The following TNFAIP8 variants were observed in gnomAD, a reference collection of about 807,000 sequenced individuals.
The protein encoded by TNFAIP8 is TNF alpha induced protein 8, also known as tumor necrosis factor alpha-induced protein 8.
Under a neutral mutation model 13.3 loss-of-function variants are expected in TNFAIP8, and 7 were observed. The ratio of observed to expected loss-of-function variants is 0.52; its 90% CI spans 0.30 to 0.99. The LOEUF is 0.99. Among genes scored for constraint, TNFAIP8 ranks in the 50% least tolerant of loss-of-function variants. TNFAIP8 has a pLI of 0.07. For synonymous variants in TNFAIP8, 94 were observed against 87.6 expected (o/e 1.07, Z -0.41); for missense variants, 258 against 236.9 (o/e 1.09, Z -0.58).
intron 1 of TNFAIP8, among the ~76,000 whole-genome samples, chr5:119,375,549 A>G (rs944520325): frequency 6.6e-6 from 1 of 152,228 alleles, no homozygotes; most frequent in Non-Finnish European, 1.5e-5. Flanking sequence ...GCAAGTTCGT[A>G]TATTTTGGAA....
upstream of TNFAIP8, chr5:119,354,413 A>C (rs1165373886): frequency 6.6e-6 from 1 of 152,216 alleles, no homozygotes; most frequent in African/African-American, 2.4e-5. Flanking sequence ...GGCAGGTTAG[A>C]ATCTCTCAGC....
At chr5:119,319,223 G>C (rs113158523) in intron 1 of TNFAIP8, among the ~76,000 whole-genome samples, 163 of 152,312 alleles carry the variant, frequency 1.1e-3, no homozygotes, top group African/African-American at 3.8e-3. Context: ...GCAGTGAGCT[G>C]TGATGGCACT....
chr5:119,384,798 T>C (rs1752611269), intron 1 of TNFAIP8, among the ~76,000 whole-genome samples: 1 of 152,230 alleles, frequency 6.6e-6, no homozygotes, highest in African/African-American at 2.4e-5. Flanking sequence ...GCAGCAGGGA[T>C]ATTTTGTCAG....
chr5:119,334,277 A>T (rs1053787084), intron 1 of TNFAIP8, among the ~76,000 whole-genome samples: 1 of 152,182 alleles, frequency 6.6e-6, no homozygotes, highest in South Asian at 2.1e-4. Flanking sequence ...TGAAAAAGTT[A>T]TCAAGGATTA....
At chr5:119,355,268 C>T (rs566563583), upstream of TNFAIP8, 6 of 700,348 alleles carry the variant, frequency 8.6e-6, no homozygotes, top group East Asian at 1.6e-4. Context: ...ACCGTGCTCT[C>T]CCCCTGAGGA....
In TNFAIP8 at chr5:119,300,581, G is replaced by C. The variant is rs891706940; in HGVS notation, c.1+31674G>C. Among the ~76,000 whole-genome samples, 5 of 152,216 alleles carry C rather than the reference G, an allele frequency of 3.3e-5. No homozygotes were observed. The South Asian group carries it at 1.0e-3, about 32-fold the overall frequency. On this transcript the variant is annotated intron_variant, in intron 1 of 1. Coordinates refer to the TNFAIP8 transcript ENST00000274456. ...GTTACCATTTTTTCTTGCTTACTAT[G>C]TACTTCTCTAAGGATCTGTTTTCCA...
At chr5:119,335,156 A>G (rs1021004403) in intron 1 of TNFAIP8, among the ~76,000 whole-genome samples, 4 of 152,112 alleles carry the variant, frequency 2.6e-5, no homozygotes, top group Admixed American at 6.5e-5. Context: ...CATCCTGACC[A>G]TGTTGCCATC....
At chr5:119,358,550 AT>A (rs1236694065) in intron 1 of TNFAIP8, among the ~76,000 whole-genome samples, 7 of 152,346 alleles carry the variant, frequency 4.6e-5, no homozygotes, top group Admixed American at 3.3e-4. Flanking sequence ...ATGAGTTTAA[AT>A]TATTCAGACA....
chr5:119,302,450 G>A (rs1032623455), intron 1 of TNFAIP8, among the ~76,000 whole-genome samples: 13 of 152,266 alleles, frequency 8.5e-5, no homozygotes, highest in Non-Finnish European at 1.5e-4. Context: ...TTTTCAGCTA[G>A]TCACTGGGTA....
chr5:119,387,752 A>T (rs1752736295), intron 1 of TNFAIP8, among the ~76,000 whole-genome samples: 1 of 152,212 alleles, frequency 6.6e-6, no homozygotes, highest in Admixed American at 6.5e-5. Context: ...ATGTTGCTGA[A>T]ATGGCCAAGG....
rs56896742 is a variant in TNFAIP8, at chr5:119,292,645, CATATAT to C, written c.1+23774_1+23779del. ...ATTAGTGAATGAATAATCAATGTAG[CATATAT>C]ATATATATATATATATATATATATA... is the stretch of plus-strand genomic sequence containing the variant. On this transcript the variant is annotated intron_variant, in intron 1 of 1. Transcript: ENST00000274456. Among the ~76,000 whole-genome samples, 34 of 32,830 alleles carry C rather than the reference CATATAT, an allele frequency of 1.0e-3. 2 individuals carry two copies. Among genetic ancestry groups the C allele is most frequent in the Non-Finnish European group, 1.4e-3 (15 of 11,054 alleles). The allele number at this position is 32,830 out of a possible 152,430, so 21.5% of individuals were successfully genotyped here. A position where few individuals can be genotyped will look rare whatever the true frequency, so the allele number is the denominator to read the frequency against.
Position 119,397,418 on chromosome 5 carries a change from G to C in TNFAIP8, c.*4037G>C. 1 of 152,162 alleles carries C rather than the reference G, an allele frequency of 6.6e-6. No individual in the cohort carries two copies. Among genetic ancestry groups the C allele is most frequent in the Non-Finnish European group, 1.5e-5 (1 of 68,036 alleles). The allele number at this position is 152,162 out of a possible 1,614,324, so 9.4% of individuals were successfully genotyped here. A position where few individuals can be genotyped will look rare whatever the true frequency, so the allele number is the denominator to read the frequency against. On this transcript the variant is annotated 3_prime_UTR_variant, in exon 2 of 2. Transcript: ENST00000504771. ...GAATTAAATTAGCATGTTAATAAGAGTGATAATATTTAAAAGTTTTAGTCA... is the reference window on the plus strand; with the variant it reads ...GAATTAAATTAGCATGTTAATAAGACTGATAATATTTAAAAGTTTTAGTCA...
intron 1 of TNFAIP8, among the ~76,000 whole-genome samples, chr5:119,347,674 A>T (rs893820322): frequency 6.6e-6 from 1 of 152,148 alleles, no homozygotes; most frequent in East Asian, 1.9e-4. Flanking sequence ...AAAACTTCTG[A>T]TGCATGCCTT....
chr5:119,326,252 C>A (rs1455008075), intron 1 of TNFAIP8, among the ~76,000 whole-genome samples: 2 of 152,176 alleles, frequency 1.3e-5, no homozygotes, highest in Non-Finnish European at 2.9e-5. Context: ...TGGAGCCAAA[C>A]ATGGCTATCT....
chr5:119,305,829 G>A (rs1749533867), intron 1 of TNFAIP8, among the ~76,000 whole-genome samples: 1 of 152,110 alleles, frequency 6.6e-6, no homozygotes, highest in Non-Finnish European at 1.5e-5. Context: ...TGTTAATAAG[G>A]GTCCCTTGTT....
chr5:119,350,408 C>T (rs1581629963), intron 1 of TNFAIP8, among the ~76,000 whole-genome samples: 1 of 152,142 alleles, frequency 6.6e-6, no homozygotes, highest in Non-Finnish European at 1.5e-5. Flanking sequence ...TGAGCATCTT[C>T]GGATTTTGGT....
chr5:119,365,763 A>T (rs770109602), intron 1 of TNFAIP8, among the ~76,000 whole-genome samples: 5 of 152,244 alleles, frequency 3.3e-5, no homozygotes, highest in Non-Finnish European at 7.3e-5. Flanking sequence ...TGAAATATCT[A>T]GAATGAAAAT....
intron 1 of TNFAIP8, among the ~76,000 whole-genome samples, chr5:119,320,594 A>G (rs1750025577): frequency 6.6e-6 from 1 of 152,148 alleles, no homozygotes; most frequent in African/African-American, 2.4e-5. Flanking sequence ...CATTTTAACA[A>G]ATCCCATGGC....
At chr5:119,287,309 TCCC>T (rs1190990819) in intron 1 of TNFAIP8, among the ~76,000 whole-genome samples, 1 of 118,418 alleles carries the variant, frequency 8.4e-6, no homozygotes, top group African/African-American at 2.8e-5. Context: ...TTGCTTTTTT[TCCC>T]CAGCTTTACT....
Sources: gnomAD v4.1 joint callset for allele counts (sites outside exome capture counted in the v4.1 genomes callset) on GRCh38, gnomAD v4.1.1 for gene constraint, MANE v1.5 for transcripts, NCBI Gene and HGNC (gene_info 2026-07-23, HGNC 2026-07-21) for gene names.